The following ACAD8 variants were observed in gnomAD, a reference collection of about 807,000 sequenced individuals.
ACAD8 encodes the protein acyl-CoA dehydrogenase family member 8, also known as isobutyryl-CoA dehydrogenase, mitochondrial.
In ACAD8, 47 loss-of-function variants were observed where a neutral mutation model predicts 53.1. The observed-to-expected ratio is 0.89, with a 90% CI of 0.70 to 1.13. The LOEUF (loss-of-function observed/expected upper bound fraction) is 1.13. Ranked by LOEUF, ACAD8 falls within the 50% of genes most tolerant of loss-of-function variation. The pLI, the probability that ACAD8 is intolerant of heterozygous loss-of-function variation, is 0.00. For synonymous variants in ACAD8, 198 were observed against 201.3 expected (o/e 0.98, Z 0.14); for missense variants, 494 against 535.0 (o/e 0.92, Z 0.76).
rs562972198 is a variant in ACAD8 at position 134,257,073 on chromosome 11, C to G, written c.211-15C>G. 3.1e-6 allele frequency: 5 copies of G among 1,614,114 alleles called. No individual in the cohort carries two copies. In the African/African-American group the frequency reaches 4.0e-5, roughly 13 times the overall value. ...TGAATCAGCTGCTGATCACCCTGCT[C>G]TCTTTTGTACATAGGAGCTGTTCCC... On this transcript the variant is annotated splice_polypyrimidine_tract_variant and intron_variant, in intron 2 of 10. Transcript: ENST00000281182.
chr11:134,257,027 C>T, intron 2 of ACAD8, 61 bp from the exon 3 acceptor site: 10 of 1,579,516 alleles, frequency 6.3e-6, no homozygotes, highest in Non-Finnish European at 8.7e-6. Flanking sequence ...TCACTGTGCC[C>T]TCTAAAAGGA....
chr11:134,262,518 A>C lies in ACAD8; in HGVS notation c.1093-2A>C. 1.2e-6 allele frequency: 2 copies of C among 1,610,116 alleles called. No homozygotes were observed. The highest frequency in any genetic ancestry group is 1.7e-6 in the Non-Finnish European group (2 of 1,176,700). On this transcript the variant is annotated splice_acceptor_variant, in intron 9 of 10. Transcript: ENST00000281182. LOFTEE classifies it high-confidence loss of function. ...AGACGTCTAGTCCCTGTCTCCCTGCAGATCTGCAACCAGGCCTTGCAGATG... is the reference window on the plus strand; with the variant it reads ...AGACGTCTAGTCCCTGTCTCCCTGCCGATCTGCAACCAGGCCTTGCAGATG...
At chr11:134,264,102 T>C (rs1940055908) in intron 10 of ACAD8, 3 of 963,816 alleles carry the variant, frequency 3.1e-6, no homozygotes, top group Non-Finnish European at 2.5e-6. Flanking sequence ...CGCCGCACTT[T>C]GGGAGGCTGA....
chr11:134,262,365 A>G (rs1939934731), intron 9 of ACAD8, 155 bp from the exon 10 acceptor site: 1 of 673,946 alleles, frequency 1.5e-6, no homozygotes, highest in Non-Finnish European at 2.7e-6. Context: ...GTCTCTAACC[A>G]TACAGAATGT....
chr11:134,258,438 T>C, intron 3 of ACAD8, 77 bp from the exon 4 acceptor site: 1 of 996,374 alleles, frequency 1.0e-6, no homozygotes, highest in Non-Finnish European at 1.6e-6. Context: ...TTTGTTCTCT[T>C]TCCCCTTCTC....
intron 3 of ACAD8, chr11:134,257,655 G>C (rs1307204891): frequency 6.7e-6 from 2 of 296,954 alleles, no homozygotes; most frequent in Admixed American, 4.7e-5. Flanking sequence ...CTGGGCGACA[G>C]AGCGAGACTC....
rs112203893 is a variant in ACAD8 at position 134,258,765 on chromosome 11, G to A, written c.490+141G>A. On this transcript the variant is annotated intron_variant, in intron 4 of 10. Transcript: ENST00000281182. ...TTTGGTTGAGGAGTAATAGAGTCCT[G>A]TGACCTGATGTCACAAGGACCAAGA... 10,645 of 767,526 alleles carry A rather than the reference G, an allele frequency of 0.014. 757 individuals carry two copies. The African/African-American group carries it at 0.16, about 12-fold the overall frequency. 47.5% of individuals were successfully genotyped at this position (767,526 alleles called of 1,614,324 possible). A position where few individuals can be genotyped will look rare whatever the true frequency, so the allele number is the denominator to read the frequency against.
chr11:134,261,384 C>G lies in ACAD8; in HGVS notation c.939+12C>G, dbSNP rs986435769. 3.1e-6 allele frequency: 5 copies of G among 1,613,584 alleles called. No individual in the cohort carries two copies. The African/African-American group carries it at 5.3e-5, about 17-fold the overall frequency. The stretch of plus-strand genomic sequence containing the variant: ...TGGCCAGTAACCAGGTAACCTCTGC[C>G]TTGCCTCCACATGGCTTTGCACTAT... On this transcript the variant is annotated intron_variant, in intron 8 of 10. Coordinates refer to ENST00000281182, the MANE Select transcript of ACAD8 (RefSeq NM_014384.3). The surrounding 1 kb of genome is among the most constrained non-coding windows in gnomAD (Gnocchi z 4.2).
At chr11:134,262,696 C>T (rs1939961462) in intron 10 of ACAD8, 74 bp downstream of exon 10, 1 of 1,536,990 alleles carries the variant, frequency 6.5e-7, no homozygotes, top group African/African-American at 1.4e-5. Context: ...CTCTCTGTCC[C>T]CATGCCTCCT....
At chr11:134,256,461 T>A in intron 1 of ACAD8, 87 bp from the exon 2 acceptor site, 2 of 1,050,366 alleles carry the variant, frequency 1.9e-6, no homozygotes, top group Non-Finnish European at 3.0e-6. Context: ...AGATCCACTT[T>A]CACAACTTCG....
At chr11:134,260,232 A>T (rs1939802920) in intron 6 of ACAD8, 1 of 1,078,910 alleles carries the variant, frequency 9.3e-7, no homozygotes, top group Non-Finnish European at 1.1e-6. Context: ...GAAAAGTAAG[A>T]TACTTCTAGG....
At chr11:134,259,395 G>A (rs142958309) in intron 5 of ACAD8, 252 of 603,978 alleles carry the variant, frequency 4.2e-4, no homozygotes, top group Non-Finnish European at 6.5e-4. Flanking sequence ...GTCAGTCTCT[G>A]TGCCATTGGA....
At position 134,263,391 on chromosome 11, in the gene ACAD8, G is replaced by C. The variant is rs910437905; in HGVS notation, c.1195+769G>C. On this transcript the variant is annotated intron_variant, in intron 10 of 10. Transcript: ENST00000281182. ...ATCGCCTGGAGGGCATGGGAGCGCA[G>C]ATTGCGGGCCTCAACCCCAGAGCTT... 2.4e-5 allele frequency: 24 copies of C among 987,374 alleles called. No individual in the cohort carries two copies. In the African/African-American group the frequency reaches 4.0e-4, roughly 16 times the overall value. The allele number at this position is 987,374 out of a possible 1,614,324, so 61.2% of individuals were successfully genotyped here. A position where few individuals can be genotyped will look rare whatever the true frequency, so the allele number is the denominator to read the frequency against.
At chr11:134,264,441 C>A (rs1940076500) in intron 10 of ACAD8, among the ~76,000 whole-genome samples, 1 of 152,116 alleles carries the variant, frequency 6.6e-6, no homozygotes, top group Admixed American at 6.5e-5. Flanking sequence ...TTGCTTGAAC[C>A]TGGGGGGCGG....
At chr11:134,260,654 A>G (rs1939822840) in intron 6 of ACAD8, 2 of 334,034 alleles carry the variant, frequency 6.0e-6, no homozygotes, top group East Asian at 8.0e-5. Flanking sequence ...AAAAGAGAGC[A>G]AGGAAATGAT....
chr11:134,260,227 G>A (rs2136081363), intron 6 of ACAD8: 1 of 1,080,122 alleles, frequency 9.3e-7, no homozygotes, highest in Middle Eastern at 4.4e-4. Flanking sequence ...AATTTGAAAA[G>A]TAAGATACTT....
intron 5 of ACAD8, 154 bp downstream of exon 5, chr11:134,259,238 A>T: frequency 1.3e-6 from 1 of 750,952 alleles, no homozygotes; most frequent in Non-Finnish European, 2.3e-6. Flanking sequence ...CTTTATTCTC[A>T]CTGTTTGTAT....
chr11:134,260,898 T>C, intron 6 of ACAD8, 146 bp from the exon 7 acceptor site: 7 of 924,696 alleles, frequency 7.6e-6, no homozygotes, highest in South Asian at 1.5e-5. Context: ...CCTTTAAACC[T>C]GAACTTTTTC....
rs931572188 is a variant in ACAD8, at chr11:134,256,593, C to T, written c.155C>T (p.Ala52Val). The T allele has an allele frequency of 1.9e-6, 3 of 1,614,050 alleles. No individual in the cohort carries two copies. Among genetic ancestry groups the T allele is most frequent in the African/African-American group, 2.7e-5 (2 of 74,924 alleles). ...NEEQKEFQKV[A>V]FDFAAREMAP... ...GAGCAGAAAGAATTTCAAAAAGTGG[C>T]CTTTGACTTTGCTGCCCGAGAGATG... The change falls in exon 2 of 11, where the codon GCC (alanine) becomes GTC (valine). Residue 52 changes from alanine to valine, a missense_variant. Physicochemically the swap from Ala to Val is moderately conservative, Grantham distance 64 (BLOSUM62 0). Transcript: ENST00000281182.
Sources: gnomAD v4.1 joint callset for allele counts (sites outside exome capture counted in the v4.1 genomes callset) on GRCh38, gnomAD v4.1.1 for gene constraint, Gnocchi (gnomAD v3.1) non-coding constraint, MANE v1.5 for transcripts, NCBI Gene and HGNC (gene_info 2026-07-23, HGNC 2026-07-21) for gene names.